ADAM22: variants seen among roughly 807,000 people sequenced by gnomAD.
The protein encoded by ADAM22 is ADAM metallopeptidase domain 22.
In ADAM22, 65 loss-of-function variants were observed where a neutral mutation model predicts 144.6. That is an observed-to-expected ratio of 0.45 (90% CI 0.37 to 0.55). ADAM22 has a LOEUF of 0.55. ADAM22 is among the 20% of genes least tolerant of loss of function. The pLI, the probability that ADAM22 is intolerant of heterozygous loss-of-function variation, is 0.00. For synonymous variants in ADAM22, 391 were observed against 412.6 expected (o/e 0.95, Z 0.63); for missense variants, 974 against 1,184.9 (o/e 0.82, Z 2.61).
At chr7:87,966,771 A>C (rs1167811200) in intron 2 of ADAM22, among the ~76,000 whole-genome samples, 3 of 97,050 alleles carry the variant, frequency 3.1e-5, no homozygotes, top group African/African-American at 1.3e-4. Context: ...TGTAGCCTTC[A>C]TCTAGGAATT....
chr7:87,948,076 A>T (rs776886690), intron 2 of ADAM22, among the ~76,000 whole-genome samples: 1 of 152,050 alleles, frequency 6.6e-6, no homozygotes, highest in African/African-American at 2.4e-5. Flanking sequence ...ATCCCTCAAT[A>T]TAGGCTCTGT....
chr7:88,057,268 G>A (rs1808519149), intron 3 of ADAM22, among the ~76,000 whole-genome samples: 2 of 151,942 alleles, frequency 1.3e-5, no homozygotes, highest in Non-Finnish European at 2.9e-5. Flanking sequence ...CCACATTTTT[G>A]AATCTTTTTA....
intron 2 of ADAM22, among the ~76,000 whole-genome samples, chr7:87,953,783 C>T (rs1022307132): frequency 6.6e-6 from 1 of 152,098 alleles, no homozygotes; most frequent in Admixed American, 6.5e-5. Flanking sequence ...GTCTAAGTCT[C>T]TTTGTAGGTC....
intron 2 of ADAM22, among the ~76,000 whole-genome samples, chr7:87,976,430 A>G (rs1344634497): frequency 6.6e-6 from 1 of 152,200 alleles, no homozygotes; most frequent in Non-Finnish European, 1.5e-5. Flanking sequence ...CTATGTGAGG[A>G]CACAGAGAGA....
intron 3 of ADAM22, among the ~76,000 whole-genome samples, chr7:88,058,395 C>T (rs1019918016): frequency 5.9e-5 from 9 of 152,154 alleles, no homozygotes; most frequent in African/African-American, 2.2e-4. Context: ...AAGCGAAGTG[C>T]CAAGTCTACT....
chr7:87,964,571 C>T (rs1848638444), intron 2 of ADAM22: 2 of 382,310 alleles, frequency 5.2e-6, no homozygotes, highest in Admixed American at 7.7e-5. Flanking sequence ...GATTATTTTT[C>T]AACCCCTTAG....
intron 28 of ADAM22, 151 bp from the exon 29 acceptor site, chr7:88,181,807 A>G: frequency 3.6e-6 from 3 of 830,868 alleles, no homozygotes; most frequent in Non-Finnish European, 5.7e-6. Flanking sequence ...ACACTTTGTG[A>G]AATTTAATTT....
intron 3 of ADAM22, among the ~76,000 whole-genome samples, chr7:87,987,907 T>C (rs1335880741): frequency 6.6e-6 from 1 of 152,208 alleles, no homozygotes; most frequent in Non-Finnish European, 1.5e-5. Flanking sequence ...AATGAGTGTG[T>C]GGCAGATTGT....
At chr7:88,102,405 C>A (rs1823168096) in intron 4 of ADAM22, among the ~76,000 whole-genome samples, 1 of 152,116 alleles carries the variant, frequency 6.6e-6, no homozygotes, top group Non-Finnish European at 1.5e-5. Context: ...TTTTGAGGAG[C>A]ATTTCTCTTG....
At chr7:88,176,397 C>T (rs947470038) in intron 26 of ADAM22, among the ~76,000 whole-genome samples, 1 of 152,124 alleles carries the variant, frequency 6.6e-6, no homozygotes, top group South Asian at 2.1e-4. Context: ...CTAATCTGCT[C>T]AACCTAATGA....
Position 88,165,864 on chromosome 7 carries a change from C to G in ADAM22, c.2109C>G (p.Asn703Lys). Reference protein sequence around the residue: ...VCSNELKCVCNRHWIGSDCNT... With the variant: ...VCSNELKCVCKRHWIGSDCNT... ...GTAATGAGCTGAAGTGTGTGTGTAACAGACACTGGATAGGTTCTGATTGCA... is the reference window on the plus strand; with the variant it reads ...GTAATGAGCTGAAGTGTGTGTGTAAGAGACACTGGATAGGTTCTGATTGCA... Residue 703 changes from asparagine to lysine, a missense_variant, in exon 24 of 32, where the codon AAC (asparagine) becomes AAG (lysine). Asn to Lys is a moderately conservative substitution (Grantham distance 94). Around this residue, in one of 2 missense-constraint regions of ADAM22, gnomAD observed 734 missense variants for 950.6 expected, o/e 0.77. Transcript: ENST00000413139. 6.2e-7 allele frequency: 1 copy of G among 1,611,116 alleles called. No homozygotes were observed. Among genetic ancestry groups the G allele is most frequent in the Non-Finnish European group, 8.5e-7 (1 of 1,178,626 alleles).
At chr7:88,033,678 C>G (rs1800825217) in intron 3 of ADAM22, among the ~76,000 whole-genome samples, 1 of 152,220 alleles carries the variant, frequency 6.6e-6, no homozygotes, top group Admixed American at 6.5e-5. Context: ...GAGATACCAT[C>G]TGGAGATCAG....
chr7:88,119,529 C>T (rs1828695363), intron 7 of ADAM22, among the ~76,000 whole-genome samples: 1 of 152,168 alleles, frequency 6.6e-6, no homozygotes, highest in Non-Finnish European at 1.5e-5. Context: ...TGCTGTGTTG[C>T]CCAGGCTGGA....
chr7:88,079,385 C>T (rs955422182), intron 4 of ADAM22, among the ~76,000 whole-genome samples: 3 of 152,186 alleles, frequency 2.0e-5, no homozygotes, highest in African/African-American at 7.2e-5. Flanking sequence ...CCAGCCGCTG[C>T]AAAAACATGC....
At chr7:88,045,888 T>TTGTGTG (rs59898382) in intron 3 of ADAM22, among the ~76,000 whole-genome samples, 23,168 of 133,752 alleles carry the variant, frequency 0.17, 2,260 homozygotes, top group Middle Eastern at 0.21. Context: ...TCGTATTCTA[T>TTGTGTG]TGTGTGTGTG....
At chr7:88,052,566 CTT>C (rs1441443151) in intron 3 of ADAM22, among the ~76,000 whole-genome samples, 2 of 151,916 alleles carry the variant, frequency 1.3e-5, no homozygotes, top group Non-Finnish European at 2.9e-5. Context: ...CTTTTAGAAT[CTT>C]TAGCAAACAT....
chr7:88,183,986 G>A (rs1238811570), intron 29 of ADAM22, among the ~76,000 whole-genome samples: 1 of 151,976 alleles, frequency 6.6e-6, no homozygotes, highest in Non-Finnish European at 1.5e-5. Flanking sequence ...AATACCATTT[G>A]TGTGACTACA....
intron 3 of ADAM22, among the ~76,000 whole-genome samples, chr7:87,986,490 C>G (rs556310810): frequency 6.6e-6 from 1 of 152,264 alleles, no homozygotes; most frequent in South Asian, 2.1e-4. Context: ...GAAATTGTTT[C>G]TGAAGGGGTA....
chr7:88,054,885 AG>A (rs1807766313), intron 3 of ADAM22, among the ~76,000 whole-genome samples: 1 of 152,174 alleles, frequency 6.6e-6, no homozygotes, highest in African/African-American at 2.4e-5. Flanking sequence ...ATTAGTGAAA[AG>A]TAGACTTTTA....
Sources: gnomAD v4.1 joint callset for allele counts (sites outside exome capture counted in the v4.1 genomes callset) on GRCh38, gnomAD v4.1.1 for gene constraint, gnomAD v4.1.1 regional missense constraint, MANE v1.5 for transcripts, NCBI Gene and HGNC (gene_info 2026-07-23, HGNC 2026-07-21) for gene names.